Variants in CASR observed in about 807,000 individuals in gnomAD.
CASR encodes extracellular calcium-sensing receptor.
CASR carries 23 observed loss-of-function variants against 69.1 expected under a neutral mutation model. The observed-to-expected ratio is 0.33, with a 90% CI of 0.24 to 0.47. The LOEUF is 0.47. Ranked by LOEUF, CASR falls within the 20% of genes least tolerant of loss-of-function variation. The pLI, the probability that CASR is intolerant of heterozygous loss-of-function variation, is 1.00. For missense variants in CASR, 924 were observed against 1,356.1 expected, an observed-to-expected ratio of 0.68 and a Z score of 5.00; for synonymous variants, 541 against 544.7, an observed-to-expected ratio of 0.99 and a Z score of 0.10.
intron 1 of CASR, among the ~76,000 whole-genome samples, chr3:122,205,708 G>A (rs1406890890): frequency 6.6e-6 from 1 of 151,892 alleles, no homozygotes; most frequent in Non-Finnish European, 1.5e-5. Context: ...GCATGGAATA[G>A]CTTTTCATTT....
rs1053968385 is a variant in CASR, at chr3:122,290,873, TC to T, written c.*5688del. ...TAGGTATATCTCCTAATGCTATCCC[TC>T]CCCCCTCCCCCCACCCCACAATAGG... On this transcript the variant is annotated 3_prime_UTR_variant, in exon 7 of 7. Transcript: ENST00000639785. The T allele has an allele frequency of 3.9e-5, 4 of 101,932 alleles. No homozygotes were observed. The highest frequency in any genetic ancestry group is 7.7e-5 in the Non-Finnish European group (4 of 52,202). The allele number at this position is 101,932 out of a possible 1,614,324, so 6.3% of individuals were successfully genotyped here.
chr3:122,198,628 G>A (rs1167515679), intron 1 of CASR, among the ~76,000 whole-genome samples: 5 of 150,418 alleles, frequency 3.3e-5, no homozygotes, highest in South Asian at 2.1e-4. Context: ...TACATCATTC[G>A]TGTATTTTAC....
In CASR at chr3:122,219,002, C is replaced by T. The variant is rs139890144; in HGVS notation, c.-242-34946C>T. Among the ~76,000 whole-genome samples the T allele has an allele frequency of 4.1e-3, 621 of 152,222 alleles. 4 individuals are homozygous for T. Among genetic ancestry groups the T allele is most frequent in the Non-Finnish European group, 6.9e-3 (472 of 68,002 alleles). On this transcript the variant is annotated intron_variant, in intron 1 of 6. Coordinates refer to ENST00000639785, the MANE Select transcript of CASR (RefSeq NM_000388.4). The stretch of plus-strand genomic sequence containing the variant: ...TAGAGGAAACAGTAAGTTCAAAGAT[C>T]TTGATGTATTCCAGGAATAGGTGGG...
chr3:122,232,819 T>C (rs2074292331), intron 1 of CASR, among the ~76,000 whole-genome samples: 1 of 152,124 alleles, frequency 6.6e-6, no homozygotes, highest in Admixed American at 6.5e-5. Context: ...AAGAGAAAAG[T>C]GGCCCCTGAC....
intron 1 of CASR, among the ~76,000 whole-genome samples, chr3:122,245,174 A>G (rs1576845161): frequency 6.6e-6 from 1 of 152,336 alleles, no homozygotes; most frequent in East Asian, 1.9e-4. Flanking sequence ...TACAATATCT[A>G]ATATAACGTG....
intron 1 of CASR, among the ~76,000 whole-genome samples, chr3:122,185,719 C>T (rs2073772772): frequency 6.6e-6 from 1 of 152,188 alleles, no homozygotes; most frequent in African/African-American, 2.4e-5. Context: ...CCCTAACTGG[C>T]ATGCCTAGGA....
At position 122,258,437 on chromosome 3, in the gene CASR, C is replaced by T. The variant is rs573779836; in HGVS notation, c.492+1050C>T. Among the ~76,000 whole-genome samples the T allele has an allele frequency of 4.4e-4, 64 of 145,278 alleles. 1 individual carries two copies. The highest frequency in any genetic ancestry group is 1.5e-3 in the African/African-American group (57 of 39,244). ...CAAGAGATAGTTTTGTCATCATTGA[C>T]GGAATCCTTACTTCAGGGAATTAAA... On this transcript the variant is annotated intron_variant, in intron 3 of 6. Coordinates refer to ENST00000639785, the MANE Select transcript of CASR (RefSeq NM_000388.4).
intron 4 of CASR, among the ~76,000 whole-genome samples, chr3:122,267,590 T>A (rs1049553983): frequency 6.6e-6 from 1 of 152,216 alleles, no homozygotes; most frequent in Non-Finnish European, 1.5e-5. Context: ...TATGCGATAC[T>A]CTGTCTCTAC....
At chr3:122,269,131 TAA>T (rs1376483357) in intron 4 of CASR, among the ~76,000 whole-genome samples, 2 of 152,210 alleles carry the variant, frequency 1.3e-5, no homozygotes, top group Non-Finnish European at 2.9e-5. Flanking sequence ...GAAGCAACTT[TAA>T]AAAAATTATT....
chr3:122,194,988 C>CCTCCTCCTCCTACTTCCTG (rs1157695128), intron 1 of CASR, among the ~76,000 whole-genome samples: 6 of 129,644 alleles, frequency 4.6e-5, no homozygotes, highest in South Asian at 2.3e-4. Flanking sequence ...ACTTTTTCCT[C>CCTCCTCCTCCTACTTCCTG]CTCCTCCTCC....
intron 1 of CASR, among the ~76,000 whole-genome samples, chr3:122,242,882 G>A (rs1278855885): frequency 1.3e-5 from 2 of 152,038 alleles, no homozygotes; most frequent in Non-Finnish European, 2.9e-5. Flanking sequence ...CACCTACAGT[G>A]AACTTGTTTT....
At chr3:122,221,582 C>A (rs1199900410) in intron 1 of CASR, among the ~76,000 whole-genome samples, 1 of 152,238 alleles carries the variant, frequency 6.6e-6, no homozygotes, top group Non-Finnish European at 1.5e-5. Context: ...GAACCCCAAA[C>A]TCAGTGAATC....
chr3:122,251,101 T>C (rs1346406275), intron 1 of CASR, among the ~76,000 whole-genome samples: 1 of 152,110 alleles, frequency 6.6e-6, no homozygotes, highest in African/African-American at 2.4e-5. Context: ...TCCATGAAAA[T>C]TGAGCGTCTG....
chr3:122,276,126 C>A, intron 5 of CASR, 84 bp downstream of exon 5: 1 of 862,460 alleles, frequency 1.2e-6, no homozygotes, highest in East Asian at 2.5e-5. Context: ...TTGGTTTCCC[C>A]ACTGGACTTC....
chr3:122,275,759 T>A, intron 4 of CASR, 53 bp from the exon 5 acceptor site: 1 of 1,161,578 alleles, frequency 8.6e-7, no homozygotes, highest in Non-Finnish European at 1.3e-6. Flanking sequence ...GCCTACCTAA[T>A]TAGTTCTATG....
At chr3:122,240,340 G>A (rs558599412) in intron 1 of CASR, among the ~76,000 whole-genome samples, 1 of 152,184 alleles carries the variant, frequency 6.6e-6, no homozygotes, top group East Asian at 1.9e-4. Flanking sequence ...GATGGAAAAA[G>A]ATATTCCATG....
At chr3:122,203,991 G>A (rs750360441) in intron 1 of CASR, among the ~76,000 whole-genome samples, 5 of 151,716 alleles carry the variant, frequency 3.3e-5, no homozygotes, top group Non-Finnish European at 7.4e-5. Context: ...GACATACATA[G>A]TTTGTGGATA....
intron 1 of CASR, among the ~76,000 whole-genome samples, chr3:122,208,332 G>A (rs1045752473): frequency 1.3e-5 from 2 of 152,032 alleles, no homozygotes; most frequent in African/African-American, 4.8e-5. Flanking sequence ...ACCACACCCA[G>A]CCTAAATTTT....
Position 122,254,361 on chromosome 3 carries a change from G to A in CASR, c.172G>A (p.Val58Met). The part of the protein sequence containing the change: ...DQDLKSRPES[V>M]ECIRYNFRGF... ...AGATCTCAAATCAAGGCCGGAGTCT[G>A]TGGAATGTATCAGGTAAGAAGAGGG... is the stretch of plus-strand genomic sequence containing the variant. Residue 58 changes from valine (V) to methionine (M), a missense_variant, in exon 2 of 7, where the codon GTG (valine) becomes ATG (methionine). Val to Met is a conservative substitution (Grantham distance 21). Transcript: ENST00000639785. 1 of 1,614,186 alleles carries A rather than the reference G, an allele frequency of 6.2e-7. No individual in the cohort carries two copies. The highest frequency in any genetic ancestry group is 8.5e-7 in the Non-Finnish European group (1 of 1,180,018).
Sources: allele counts gnomAD v4.1 joint callset (sites outside exome capture counted in the v4.1 genomes callset), GRCh38; gene constraint gnomAD v4.1.1; transcripts MANE v1.5; gene names NCBI Gene and HGNC (gene_info 2026-07-23, HGNC 2026-07-21).